The following FANK1 variants were observed in gnomAD, a reference collection of about 807,000 sequenced individuals.
FANK1 encodes fibronectin type III and ankyrin repeat domains 1.
Under a neutral mutation model 45.3 loss-of-function variants are expected in FANK1, and 44 were observed. That is an observed-to-expected ratio of 0.97 (90% confidence interval 0.76 to 1.25). The LOEUF (loss-of-function observed/expected upper bound fraction) is 1.25, where lower values mean the gene tolerates loss of function less well. Among genes scored for constraint, FANK1 ranks in the 50% most tolerant of loss-of-function variants. The pLI, the probability that FANK1 is intolerant of heterozygous loss-of-function variation, is 0.00. For synonymous variants in FANK1, 149 were observed against 152.5 expected, an observed-to-expected ratio of 0.98 and a Z score of 0.17; for missense variants, 391 against 424.4, an observed-to-expected ratio of 0.92 and a Z score of 0.69.
intron 1 of FANK1, among the ~76,000 whole-genome samples, chr10:125,966,807 A>G (rs1328408087): frequency 1.3e-5 from 2 of 152,208 alleles, no homozygotes; most frequent in Non-Finnish European, 2.9e-5. Context: ...TCTTTTTTCC[A>G]TAAGAATAAG....
At chr10:125,945,581 A>G (rs918733866) in intron 1 of FANK1, among the ~76,000 whole-genome samples, 1 of 152,190 alleles carries the variant, frequency 6.6e-6, no homozygotes, top group African/African-American at 2.4e-5. Flanking sequence ...TATATCCCAC[A>G]CCTGGCTGGG....
intron 1 of FANK1, chr10:125,972,730 C>T (rs1000685137): frequency 1.3e-5 from 2 of 151,772 alleles, no homozygotes; most frequent in Admixed American, 1.3e-4. Flanking sequence ...GTGGGGCGTA[C>T]ACTAACCATT....
intron 1 of FANK1, among the ~76,000 whole-genome samples, chr10:125,950,042 C>T (rs1465098912): frequency 1.5e-5 from 2 of 133,328 alleles, no homozygotes; most frequent in Non-Finnish European, 3.3e-5. Flanking sequence ...ATAAATGGTG[C>T]TGGGAAAACT....
chr10:126,008,020 G>GTA (rs1953362847), intron 7 of FANK1, among the ~76,000 whole-genome samples: 1 of 152,100 alleles, frequency 6.6e-6, no homozygotes. Context: ...GTATAAGTGT[G>GTA]TATATATATT....
At chr10:125,934,456 A>T (rs1487572858) in intron 1 of FANK1, among the ~76,000 whole-genome samples, 1 of 152,072 alleles carries the variant, frequency 6.6e-6, no homozygotes, top group Non-Finnish European at 1.5e-5. Context: ...AGCCTTGGGC[A>T]GTAGGTGGCA....
chr10:126,004,802 T>C (rs1953055443), intron 6 of FANK1, 82 bp from the exon 7 acceptor site: 1 of 1,473,736 alleles, frequency 6.8e-7, no homozygotes, highest in Admixed American at 1.7e-5. Context: ...GATTTCTTGG[T>C]TTAAGCCAGG....
At chr10:125,929,229 G>A (rs1459146535) in intron 1 of FANK1, among the ~76,000 whole-genome samples, 3 of 152,340 alleles carry the variant, frequency 2.0e-5, no homozygotes, top group South Asian at 4.1e-4. Context: ...CTATGGGAGA[G>A]CGAGGGGAGG....
intron 1 of FANK1, among the ~76,000 whole-genome samples, chr10:125,938,100 T>G (rs1948216638): frequency 6.6e-6 from 1 of 152,238 alleles, no homozygotes; most frequent in Admixed American, 6.5e-5. Context: ...AAAGGCCTAC[T>G]GAACATTACT....
chr10:125,980,012 G>T, intron 1 of FANK1, 149 bp from the exon 2 acceptor site: 1 of 755,364 alleles, frequency 1.3e-6, no homozygotes. Context: ...AGCTTTTCAG[G>T]GGTTCTTTAA....
chr10:125,990,798 A>G (rs145509683), intron 3 of FANK1, among the ~76,000 whole-genome samples: 3,387 of 152,300 alleles, frequency 0.022, 125 homozygotes, highest in African/African-American at 0.077. Context: ...AAAGAAGTTT[A>G]ATGGACTCAC....
At chr10:125,950,581 C>T (rs1464195768) in intron 1 of FANK1, among the ~76,000 whole-genome samples, 1 of 152,078 alleles carries the variant, frequency 6.6e-6, no homozygotes, top group Non-Finnish European at 1.5e-5. Context: ...CATCTCACAC[C>T]AGTTAGAGAC....
At chr10:125,997,208 G>T (rs1281870310) in intron 5 of FANK1, among the ~76,000 whole-genome samples, 6 of 152,178 alleles carry the variant, frequency 3.9e-5, no homozygotes, top group African/African-American at 1.4e-4. Context: ...TGAATAACTC[G>T]TGTCAAAGGT....
At chr10:125,921,661 G>A (rs1462818390) in intron 1 of FANK1, among the ~76,000 whole-genome samples, 1 of 151,982 alleles carries the variant, frequency 6.6e-6, no homozygotes, top group Non-Finnish European at 1.5e-5. Context: ...CAAGCTGTCT[G>A]TTTCTTCTTG....
intron 6 of FANK1, 51 bp downstream of exon 6, chr10:125,997,536 T>A (rs776774927): frequency 6.4e-7 from 1 of 1,558,442 alleles, no homozygotes; most frequent in African/African-American, 1.4e-5. Flanking sequence ...AGAATTGTGT[T>A]GCTAGGCTTG....
intron 1 of FANK1, among the ~76,000 whole-genome samples, chr10:125,912,290 CT>C (rs1206006570): frequency 1.3e-5 from 2 of 152,208 alleles, no homozygotes; most frequent in Non-Finnish European, 2.9e-5. Flanking sequence ...GAAGCACAAA[CT>C]GTAACTCAAG....
At chr10:125,946,443 G>A (rs1246556867) in intron 1 of FANK1, among the ~76,000 whole-genome samples, 9 of 151,266 alleles carry the variant, frequency 5.9e-5, no homozygotes, top group Non-Finnish European at 8.8e-5. Context: ...ACCAAGGCTC[G>A]AGAACTATGT....
chr10:126,008,557 C>A lies in FANK1; in HGVS notation c.849+7C>A. On this transcript the variant is annotated splice_region_variant and intron_variant, in intron 8 of 10. Transcript: ENST00000368693. ...TGGAAAGACGCCCCTTATGGTAGGT[C>A]CTCCTCCCGAAAATAGGCAGTTTTC... The A allele has an allele frequency of 6.3e-7, 1 of 1,595,188 alleles. No individual in the cohort carries two copies. Among genetic ancestry groups the A allele is most frequent in the Non-Finnish European group, 8.5e-7 (1 of 1,173,868 alleles).
intron 6 of FANK1, among the ~76,000 whole-genome samples, chr10:126,000,732 T>G (rs778413770): frequency 6.6e-5 from 10 of 152,168 alleles, no homozygotes; most frequent in Non-Finnish European, 1.3e-4. Flanking sequence ...AAAAACTTAA[T>G]TACAATGTTA....
intron 2 of FANK1, 124 bp from the exon 3 acceptor site, chr10:125,988,427 G>A (rs1951708307): frequency 1.5e-6 from 2 of 1,319,248 alleles, no homozygotes; most frequent in Admixed American, 2.1e-5. Context: ...CAGCAAAGCA[G>A]GATCCATCGG....
Sources: allele counts gnomAD v4.1 joint callset (sites outside exome capture counted in the v4.1 genomes callset), GRCh38; gene constraint gnomAD v4.1.1; transcripts MANE v1.5; gene names NCBI Gene and HGNC (gene_info 2026-07-23, HGNC 2026-07-21).